ZNF600: variants seen among roughly 807,000 people sequenced by gnomAD.
The protein encoded by ZNF600 is zinc finger protein 600, also known as zinc finger protein KR-ZNF1.
ZNF600 carries 4 observed loss-of-function variants against 7.3 expected under a neutral mutation model. The observed-to-expected ratio is 0.55, with a 90% CI of 0.27 to 1.25. The LOEUF (loss-of-function observed/expected upper bound fraction) is 1.25. Among genes scored for constraint, ZNF600 ranks in the 50% most tolerant of loss-of-function variants. The pLI is 0.12. For synonymous variants in ZNF600, 290 were observed against 308.9 expected, an observed-to-expected ratio of 0.94 and a Z score of 0.64; for missense variants, 911 against 922.1, an observed-to-expected ratio of 0.99 and a Z score of 0.16.
the ZNF600 span, among the ~76,000 whole-genome samples, chr19:52,828,693 A>T: frequency 9.2e-5 from 14 of 152,072 alleles, no homozygotes; most frequent in Non-Finnish European, 1.9e-4. Flanking sequence ...CAAAAACATT[A>T]AAAAAATGAT....
the ZNF600 span, among the ~76,000 whole-genome samples, chr19:52,808,903 A>T: frequency 6.6e-6 from 1 of 152,150 alleles, no homozygotes; most frequent in African/African-American, 2.4e-5. Flanking sequence ...AAACCTAGAG[A>T]CTCACAAAAC....
At chr19:52,790,872 G>T (rs968329980), upstream of ZNF600, among the ~76,000 whole-genome samples, 1 of 151,788 alleles carries the variant, frequency 6.6e-6, no homozygotes, top group African/African-American at 2.4e-5. Context: ...GTAGAGATGA[G>T]GTTTCACCAT....
At chr19:52,810,938 G>A in the ZNF600 span, among the ~76,000 whole-genome samples, 2 of 120,102 alleles carry the variant, frequency 1.7e-5, no homozygotes, top group Non-Finnish European at 3.3e-5. Flanking sequence ...CTCTGATGCC[G>A]AGCCAAAGCT....
At chr19:52,790,785 C>T (rs2062789214), upstream of ZNF600, among the ~76,000 whole-genome samples, 1 of 145,680 alleles carries the variant, frequency 6.9e-6, no homozygotes, top group Non-Finnish European at 1.5e-5. Context: ...TTCCCGGATT[C>T]AAGTGACTCT....
intron 1 of ZNF600, among the ~76,000 whole-genome samples, chr19:52,784,429 T>A (rs1318143054): frequency 1.3e-5 from 2 of 151,994 alleles, no homozygotes; most frequent in Non-Finnish European, 2.9e-5. Context: ...ATTAATAAAT[T>A]AAAAGTATTA....
At chr19:52,808,055 G>A in the ZNF600 span, 5 of 1,613,592 alleles carry the variant, frequency 3.1e-6, no homozygotes, top group African/African-American at 1.3e-5. Flanking sequence ...TCCCTGTAAA[G>A]AGTCCTCTGA....
the ZNF600 span, chr19:52,810,672 C>T: frequency 2.1e-6 from 2 of 961,912 alleles, no homozygotes; most frequent in African/African-American, 1.6e-5. Flanking sequence ...TCTACAGGGG[C>T]CGGGCTAGAG....
At chr19:52,781,645 G>A (rs1366484072) in intron 1 of ZNF600, among the ~76,000 whole-genome samples, 181 bp from the exon 2 acceptor site, 3 of 151,944 alleles carry the variant, frequency 2.0e-5, no homozygotes, top group African/African-American at 7.3e-5. Context: ...ATGCATCTGC[G>A]GTCCCAGCTA....
At chr19:52,781,120 T>A (rs1484694057) in intron 1 of ZNF600, 65 bp from the exon 3 acceptor site, 1 of 151,590 alleles carries the variant, frequency 6.6e-6, no homozygotes, top group Non-Finnish European at 1.5e-5. Flanking sequence ...CAAGGTGACT[T>A]GAGTCTAATT....
the ZNF600 span, chr19:52,810,302 T>C: frequency 4.5e-6 from 7 of 1,550,848 alleles, no homozygotes; most frequent in Admixed American, 1.0e-4. Context: ...TGGAGGCTGA[T>C]GCCCGTTCCA....
the ZNF600 span, among the ~76,000 whole-genome samples, chr19:52,804,065 G>C: frequency 6.6e-6 from 1 of 152,156 alleles, no homozygotes; most frequent in Non-Finnish European, 1.5e-5. Context: ...ATTTAGCATG[G>C]GTGTCGACTA....
the ZNF600 span, chr19:52,800,858 A>T: frequency 1.2e-6 from 2 of 1,614,072 alleles, no homozygotes; most frequent in Non-Finnish European, 1.7e-6. Context: ...CACAAACCTT[A>T]CATTTGTATG....
chr19:52,811,915 C>G, the ZNF600 span, among the ~76,000 whole-genome samples: 2 of 111,492 alleles, frequency 1.8e-5, no homozygotes, highest in African/African-American at 4.0e-5. Context: ...GCCCGGCCAG[C>G]CGCCCTATCC....
At chr19:52,816,216 A>T in the ZNF600 span, among the ~76,000 whole-genome samples, 2 of 93,912 alleles carry the variant, frequency 2.1e-5, no homozygotes, top group Non-Finnish European at 5.7e-5. Flanking sequence ...ATAACCATTT[A>T]TATTCAATAA....
the ZNF600 span, among the ~76,000 whole-genome samples, chr19:52,809,145 G>A: frequency 2.0e-5 from 3 of 152,286 alleles, no homozygotes; most frequent in South Asian, 2.1e-4. Context: ...GCAGTTGCGG[G>A]CAGGGGGAAT....
upstream of ZNF600, among the ~76,000 whole-genome samples, chr19:52,788,584 C>T (rs1185727607): frequency 1.3e-5 from 2 of 152,172 alleles, no homozygotes; most frequent in Non-Finnish European, 2.9e-5. Flanking sequence ...GGAAGACCTA[C>T]AAGGGCAATT....
the ZNF600 span, among the ~76,000 whole-genome samples, chr19:52,795,392 A>T: frequency 6.6e-6 from 1 of 152,156 alleles, no homozygotes; most frequent in Admixed American, 6.5e-5. Context: ...TGCAGTCCTC[A>T]ATGTAAACTA....
chr19:52,800,178 C>A, the ZNF600 span: 1 of 1,613,596 alleles, frequency 6.2e-7, no homozygotes, highest in Middle Eastern at 1.7e-4. Context: ...AACTTTCTCA[C>A]ATTCTTCACA....
the ZNF600 span, among the ~76,000 whole-genome samples, chr19:52,823,662 T>C: frequency 2.0e-5 from 3 of 152,322 alleles, no homozygotes; most frequent in African/African-American, 7.2e-5. Flanking sequence ...TACTGAGATA[T>C]AGGTACTATC....
Sources: allele counts gnomAD v4.1 joint callset (sites outside exome capture counted in the v4.1 genomes callset), GRCh38; gene constraint gnomAD v4.1.1; transcripts MANE v1.5; gene names NCBI Gene and HGNC (gene_info 2026-07-23, HGNC 2026-07-21).